The following TTK variants were observed in gnomAD, a reference collection of about 807,000 sequenced individuals.
The protein encoded by TTK is dual specificity protein kinase TTK.
A neutral mutation model predicts 117.3 loss-of-function variants in TTK; 59 were observed. The observed-to-expected ratio is 0.50, with a 90% CI of 0.41 to 0.62. The LOEUF (loss-of-function observed/expected upper bound fraction) is 0.62, where lower values mean the gene tolerates loss of function less well. TTK is among the 20% of genes least tolerant of loss of function. TTK has a pLI of 0.00. For missense variants in TTK, 921 were observed against 989.4 expected (o/e 0.93, Z 0.93); for synonymous variants, 302 against 325.0 (o/e 0.93, Z 0.76).
chr6:80,018,363 CCCAGCACTTTGGGAGGCCGAGG>C (rs1317456945), intron 10 of TTK, among the ~76,000 whole-genome samples: 1 of 151,840 alleles, frequency 6.6e-6, no homozygotes, highest in Non-Finnish European at 1.5e-5. Context: ...CACCTGTAAT[CCCAGCACTTTGGGAGGCCGAGG>C]CAGGCAGATT....
chr6:80,011,027 T>TTTC, intron 5 of TTK, 70 bp downstream of exon 5: 6 of 1,447,876 alleles, frequency 4.1e-6, no homozygotes, highest in Non-Finnish European at 5.5e-6. Context: ...GGATAATAAT[T>TTTC]TATAGAAAAA....
At chr6:80,010,641 AAGTG>A (rs1202145523) in intron 4 of TTK, among the ~76,000 whole-genome samples, 169 bp from the exon 5 acceptor site, 3 of 151,742 alleles carry the variant, frequency 2.0e-5, no homozygotes, top group Non-Finnish European at 4.4e-5. Flanking sequence ...TCTGCATAAA[AAGTG>A]AGAGATTGCT....
intron 7 of TTK, 24 bp downstream of exon 7, chr6:80,011,825 A>G: frequency 6.2e-7 from 1 of 1,612,504 alleles, no homozygotes; most frequent in Non-Finnish European, 8.5e-7. Context: ...AATCTGCTTG[A>G]TTAAGGTGGT....
intron 8 of TTK, among the ~76,000 whole-genome samples, chr6:80,012,411 C>A (rs239561): frequency 0.047 from 7,137 of 151,924 alleles, 557 homozygotes; most frequent in African/African-American, 0.16. Flanking sequence ...TTGCTTGAGT[C>A]TAGTGCTTCA....
chr6:80,024,165 G>C (rs1767542607), intron 11 of TTK, among the ~76,000 whole-genome samples: 1 of 152,192 alleles, frequency 6.6e-6, no homozygotes, highest in African/African-American at 2.4e-5. Context: ...TAGTGGGAAT[G>C]TAAAATGGTG....
chr6:80,041,047 T>C (rs1252968133), intron 21 of TTK, among the ~76,000 whole-genome samples: 1 of 151,776 alleles, frequency 6.6e-6, no homozygotes, highest in African/African-American at 2.4e-5. Context: ...TTTTAGCCAG[T>C]TTTTTCCTTA....
At chr6:80,028,067 T>G in intron 13 of TTK, 56 bp downstream of exon 13, 1 of 1,463,450 alleles carries the variant, frequency 6.8e-7, no homozygotes, top group Non-Finnish European at 9.1e-7. Flanking sequence ...GTTTTACAGC[T>G]TTTATTTTTA....
At chr6:80,027,678 A>G (rs1263243134) in intron 12 of TTK, among the ~76,000 whole-genome samples, 1 of 152,212 alleles carries the variant, frequency 6.6e-6, no homozygotes, top group Non-Finnish European at 1.5e-5. Context: ...TCTGCATACA[A>G]ATATTTACTT....
Position 80,039,685 on chromosome 6 carries a change from T to G in TTK, c.2131-11T>G, listed in dbSNP as rs1767995277. ...CAGCAACTTTTTTGTGTTTGTTTGT[T>G]TTTTTCTTAGATAAGCCCCAAAAGT... On this transcript the variant is annotated splice_polypyrimidine_tract_variant and intron_variant, in intron 18 of 21. Transcript: ENST00000369798. 6.7e-7 allele frequency: 1 copy of G among 1,488,424 alleles called. No homozygotes were observed. The highest frequency in any genetic ancestry group is 8.9e-7 in the Non-Finnish European group (1 of 1,125,076). 92.2% of individuals were successfully genotyped at this position (1,488,424 alleles called of 1,614,324 possible). A position where few individuals can be genotyped will look rare whatever the true frequency, so the allele number is the denominator to read the frequency against.
intron 21 of TTK, among the ~76,000 whole-genome samples, chr6:80,040,925 A>G (rs949149642): frequency 5.1e-4 from 77 of 151,804 alleles, no homozygotes; most frequent in African/African-American, 1.7e-3. Flanking sequence ...ATCATCACAT[A>G]AGGTGCATTC....
At chr6:80,021,761 C>T (rs1304876821) in intron 10 of TTK, among the ~76,000 whole-genome samples, 1 of 152,068 alleles carries the variant, frequency 6.6e-6, no homozygotes, top group African/African-American at 2.4e-5. Flanking sequence ...TCGAAACTCC[C>T]CCCATGCAAG....
intron 12 of TTK, among the ~76,000 whole-genome samples, chr6:80,027,149 G>GCTC (rs1767628791): frequency 6.6e-6 from 1 of 152,040 alleles, no homozygotes; most frequent in South Asian, 2.1e-4. Flanking sequence ...TGTCTTAGGG[G>GCTC]ATAGCTTAAA....
At chr6:80,022,030 CTA>C (rs1261204857) in intron 10 of TTK, among the ~76,000 whole-genome samples, 1 of 152,110 alleles carries the variant, frequency 6.6e-6, no homozygotes, top group Non-Finnish European at 1.5e-5. Context: ...TTTATAACAT[CTA>C]TATGTTTTTA....
At position 80,010,936 on chromosome 6, in the gene TTK, G is replaced by A. The variant is rs752579117; in HGVS notation, c.592G>A (p.Glu198Lys). The change falls in exon 5 of 22, where the codon GAG becomes AAG. Residue 198 changes from glutamate to lysine, a missense_variant. Coordinates refer to ENST00000369798, the MANE Select transcript of TTK (RefSeq NM_003318.5). ...NLQKKQLLSE[E>K]EKKNLSASTV... ...CCAAAAAAAGCAGCTGCTTTCAGAG[G>A]AGGAAAAGAAGAATTTATCAGGTAA... 4.5e-5 allele frequency: 72 copies of A among 1,611,850 alleles called. No individual in the cohort carries two copies. Among genetic ancestry groups the A allele is most frequent in the Non-Finnish European group, 6.1e-5 (72 of 1,178,500 alleles).
intron 14 of TTK, among the ~76,000 whole-genome samples, chr6:80,033,931 G>T (rs1410281872): frequency 6.6e-6 from 1 of 152,016 alleles, no homozygotes; most frequent in African/African-American, 2.4e-5. Flanking sequence ...AGACTTAATA[G>T]AGGTATTTAT....
chr6:80,007,591 T>C (rs1385879383), intron 2 of TTK, among the ~76,000 whole-genome samples: 1 of 152,116 alleles, frequency 6.6e-6, no homozygotes, highest in Non-Finnish European at 1.5e-5. Context: ...CTTCAAAATA[T>C]ATAGCTTTTG....
At chr6:80,016,337 T>C (rs925290101) in intron 10 of TTK, among the ~76,000 whole-genome samples, 1 of 152,228 alleles carries the variant, frequency 6.6e-6, no homozygotes, top group Non-Finnish European at 1.5e-5. Context: ...CCAGCAATTA[T>C]GTTGCTCCTG....
intron 14 of TTK, among the ~76,000 whole-genome samples, chr6:80,032,263 T>C (rs1447549169): frequency 6.6e-6 from 1 of 152,200 alleles, no homozygotes; most frequent in East Asian, 1.9e-4. Context: ...GATTTTTTTT[T>C]TCGCAGTGAA....
At chr6:80,013,060 C>T (rs888244085) in intron 8 of TTK, among the ~76,000 whole-genome samples, 18 of 152,012 alleles carry the variant, frequency 1.2e-4, no homozygotes, top group African/African-American at 3.6e-4. Context: ...AAGAAGTAGG[C>T]GATCACCTGT....
Sources: gnomAD v4.1 joint callset for allele counts (sites outside exome capture counted in the v4.1 genomes callset) on GRCh38, gnomAD v4.1.1 for gene constraint, MANE v1.5 for transcripts, NCBI Gene and HGNC (gene_info 2026-07-23, HGNC 2026-07-21) for gene names.